NRG3: variants seen among roughly 807,000 people sequenced by gnomAD.
NRG3 encodes the protein pro-neuregulin-3, membrane-bound isoform.
A neutral mutation model predicts 66.9 loss-of-function variants in NRG3; 31 were observed. The observed-to-expected ratio is 0.46, with a 90% CI of 0.35 to 0.63. The LOEUF is 0.63. Ranked by LOEUF, NRG3 falls within the 20% of genes least tolerant of loss-of-function variation. The pLI is 0.00. For missense variants in NRG3, 910 were observed against 878.9 expected (o/e 1.04, Z -0.45); for synonymous variants, 393 against 359.4 (o/e 1.09, Z -1.06).
chr10:82,455,503 C>T (rs1219249229), intron 2 of NRG3, among the ~76,000 whole-genome samples: 1 of 152,044 alleles, frequency 6.6e-6, no homozygotes, highest in Non-Finnish European at 1.5e-5. Flanking sequence ...GCTTGAAGGC[C>T]TGGAAGTTGC....
chr10:81,976,502 C>T (rs2060129016), intron 1 of NRG3, among the ~76,000 whole-genome samples: 1 of 152,192 alleles, frequency 6.6e-6, no homozygotes, highest in Admixed American at 6.5e-5. Context: ...AAAATGTTTA[C>T]ATTTCCTAGA....
intron 4 of NRG3, among the ~76,000 whole-genome samples, chr10:82,915,633 TAA>T (rs80023205): frequency 6.6e-6 from 1 of 150,428 alleles, no homozygotes; most frequent in Non-Finnish European, 1.5e-5. Flanking sequence ...CACTTCAAAG[TAA>T]AAAAAAAATT....
chr10:82,656,816 A>T (rs1378555381), intron 2 of NRG3, among the ~76,000 whole-genome samples: 1 of 152,130 alleles, frequency 6.6e-6, no homozygotes, highest in Non-Finnish European at 1.5e-5. Flanking sequence ...TCTATTTTAT[A>T]ACAACCCCCT....
At chr10:81,886,146 C>T (rs1290199568) in intron 1 of NRG3, among the ~76,000 whole-genome samples, 1 of 152,046 alleles carries the variant, frequency 6.6e-6, no homozygotes, top group Non-Finnish European at 1.5e-5. Flanking sequence ...GTACGTCCTG[C>T]ACATGTATCC....
At chr10:82,698,176 A>AT (rs1321802993) in intron 2 of NRG3, among the ~76,000 whole-genome samples, 6 of 105,504 alleles carry the variant, frequency 5.7e-5, no homozygotes, top group Non-Finnish European at 1.2e-4. Context: ...AACACGTTTG[A>AT]TTTTTTTGTT....
chr10:82,049,338 A>T (rs766408418), intron 1 of NRG3, among the ~76,000 whole-genome samples: 2 of 152,096 alleles, frequency 1.3e-5, no homozygotes, highest in Non-Finnish European at 2.9e-5. Context: ...TGTTTTAGAT[A>T]GCTCAAGTAG....
intron 1 of NRG3, among the ~76,000 whole-genome samples, chr10:82,053,847 G>A (rs1051527372): frequency 1.3e-5 from 2 of 152,186 alleles, no homozygotes; most frequent in African/African-American, 4.8e-5. Context: ...TGGAAAAGAG[G>A]TATTTGAGCA....
intron 3 of NRG3, among the ~76,000 whole-genome samples, chr10:82,800,122 A>C (rs1273233147): frequency 6.6e-6 from 1 of 151,802 alleles, no homozygotes; most frequent in Non-Finnish European, 1.5e-5. Flanking sequence ...TTGTGCTTGA[A>C]TCTTATTTCT....
chr10:82,537,667 AT>A (rs952660892), intron 2 of NRG3, among the ~76,000 whole-genome samples: 22 of 152,220 alleles, frequency 1.4e-4, no homozygotes, highest in Non-Finnish European at 2.8e-4. Flanking sequence ...TTATTCAAAC[AT>A]TTTTTAACAT....
At chr10:81,968,358 A>C (rs1192708222) in intron 1 of NRG3, among the ~76,000 whole-genome samples, 1 of 152,162 alleles carries the variant, frequency 6.6e-6, no homozygotes, top group Non-Finnish European at 1.5e-5. Context: ...GGGAGAGTGA[A>C]AGTGATGGGC....
intron 2 of NRG3, among the ~76,000 whole-genome samples, chr10:82,679,353 A>C (rs1426905041): frequency 6.6e-6 from 1 of 152,236 alleles, no homozygotes; most frequent in East Asian, 1.9e-4. Flanking sequence ...CATACAAAAA[A>C]CAAGTATTTT....
intron 1 of NRG3, among the ~76,000 whole-genome samples, chr10:81,984,456 C>T (rs2060448481): frequency 6.6e-6 from 1 of 152,162 alleles, no homozygotes; most frequent in Non-Finnish European, 1.5e-5. Flanking sequence ...ATCTTATGGT[C>T]AGTTTCCAAA....
At chr10:82,348,296 G>A (rs1324756517) in intron 1 of NRG3, among the ~76,000 whole-genome samples, 1 of 151,350 alleles carries the variant, frequency 6.6e-6, no homozygotes, top group Admixed American at 6.6e-5. Context: ...TTGCTTGTCT[G>A]TAAAGTATTT....
chr10:81,985,497 A>G (rs1300604488), intron 1 of NRG3, among the ~76,000 whole-genome samples: 1 of 152,226 alleles, frequency 6.6e-6, no homozygotes, highest in African/African-American at 2.4e-5. Context: ...GCTATCAATG[A>G]TATTTCTAAC....
intron 1 of NRG3, among the ~76,000 whole-genome samples, chr10:82,047,807 A>G (rs965863663): frequency 3.3e-5 from 5 of 152,110 alleles, no homozygotes; most frequent in African/African-American, 1.2e-4. Flanking sequence ...CAGACTGGCA[A>G]ATTGGATAGA....
At position 82,291,462 on chromosome 10, in the gene NRG3, G is replaced by T. The variant is rs764471712; in HGVS notation, c.824-67277G>T. ...TATAAAAATCTTAGCAAGATCTTTT[G>T]TAGATAAGCTTATTGTAAAAGGTGC... On this transcript the variant is annotated intron_variant, in intron 1 of 8. Coordinates refer to ENST00000372141, the MANE Select transcript of NRG3 (RefSeq NM_001010848.4). Among the ~76,000 whole-genome samples the T allele has an allele frequency of 2.1e-4, 32 of 152,256 alleles. No homozygotes were observed. The Middle Eastern group carries it at 0.01, about 49-fold the overall frequency.
chr10:82,250,828 C>G (rs2077451768), intron 1 of NRG3, among the ~76,000 whole-genome samples: 2 of 152,268 alleles, frequency 1.3e-5, no homozygotes, highest in South Asian at 2.1e-4. Flanking sequence ...GTGCCTGGCT[C>G]TAGTCTATAT....
intron 2 of NRG3, among the ~76,000 whole-genome samples, chr10:82,434,638 TGA>T (rs765290012): frequency 2.0e-5 from 3 of 152,206 alleles, no homozygotes; most frequent in Non-Finnish European, 4.4e-5. Flanking sequence ...CCTGGTTTAT[TGA>T]GAGTTTTTAA....
chr10:82,586,653 A>T (rs1785336122), intron 2 of NRG3, among the ~76,000 whole-genome samples: 1 of 152,204 alleles, frequency 6.6e-6, no homozygotes, highest in South Asian at 2.1e-4. Context: ...TTTATTAAAT[A>T]TATTTCTTAA....
Sources: gnomAD v4.1 joint callset for allele counts (sites outside exome capture counted in the v4.1 genomes callset) on GRCh38, gnomAD v4.1.1 for gene constraint, MANE v1.5 for transcripts, NCBI Gene and HGNC (gene_info 2026-07-23, HGNC 2026-07-21) for gene names.